IL1RAPL2: variants seen among roughly 807,000 people sequenced by gnomAD.
The protein encoded by IL1RAPL2 is interleukin 1 receptor accessory protein like 2, also known as X-linked interleukin-1 receptor accessory protein-like 2.
A neutral mutation model predicts 44.1 loss-of-function variants in IL1RAPL2; 3 were observed. That is an observed-to-expected ratio of 0.07 (90% CI 0.03 to 0.18). IL1RAPL2 has a LOEUF of 0.18. IL1RAPL2 is among the 10% of genes least tolerant of loss of function. The pLI is 1.00. For synonymous variants in IL1RAPL2, 181 were observed against 178.8 expected (o/e 1.01, Z -0.10); for missense variants, 391 against 496.4 (o/e 0.79, Z 2.02).
rs191616747 is a variant in IL1RAPL2 at position 105,183,595 on chromosome X, G to C, written c.83-11880G>C. On this transcript the variant is annotated intron_variant, in intron 2 of 10. Transcript: ENST00000372582. ...ATGGCCCTGCTGCTGGTGTGGGCAG[G>C]GTTTCTGTCAACAGCTTCAGATAGG... Among the ~76,000 whole-genome samples, 6 of 111,652 alleles carry C rather than the reference G, an allele frequency of 5.4e-5. No individual in the cohort carries two copies. In the Admixed American group the frequency reaches 5.7e-4, roughly 11 times the overall value.
chrX:105,594,140 C>T (rs763952515), intron 6 of IL1RAPL2, among the ~76,000 whole-genome samples: 6 of 111,261 alleles, frequency 5.4e-5, no homozygotes, highest in African/African-American at 1.3e-4. Flanking sequence ...ATATATTTAC[C>T]TCTTTGTTGT....
chrX:105,210,273 T>C (rs1177282729), intron 3 of IL1RAPL2, among the ~76,000 whole-genome samples: 1 of 111,869 alleles, frequency 8.9e-6, no homozygotes, highest in East Asian at 2.8e-4. Flanking sequence ...TTTGTATTTC[T>C]GTGAACATTT....
At chrX:105,162,663 G>A (rs2033336513) in intron 2 of IL1RAPL2, among the ~76,000 whole-genome samples, 2 of 112,152 alleles carry the variant, frequency 1.8e-5, no homozygotes, top group South Asian at 3.7e-4. Context: ...TTAGGAAAAC[G>A]TGGATACTGT....
intron 5 of IL1RAPL2, among the ~76,000 whole-genome samples, chrX:105,352,123 T>A (rs897990020): frequency 1.8e-5 from 2 of 110,104 alleles, no homozygotes; most frequent in Non-Finnish European, 3.8e-5. Flanking sequence ...AGAGACAGGG[T>A]TTTGCCATGT....
intron 6 of IL1RAPL2, among the ~76,000 whole-genome samples, chrX:105,590,183 T>A (rs1167023141): frequency 4.5e-5 from 5 of 111,855 alleles, no homozygotes; most frequent in Non-Finnish European, 9.4e-5. Context: ...CTTGGATGTT[T>A]TTGGTTTACA....
intron 2 of IL1RAPL2, among the ~76,000 whole-genome samples, chrX:105,168,189 T>C (rs2033387642): frequency 8.9e-6 from 1 of 112,053 alleles, no homozygotes; most frequent in African/African-American, 3.2e-5. Flanking sequence ...GCCAGCCACA[T>C]TGGTCTGCTA....
chrX:104,636,746 C>G (rs1281702990), intron 1 of IL1RAPL2, among the ~76,000 whole-genome samples: 3 of 112,368 alleles, frequency 2.7e-5, no homozygotes, highest in Admixed American at 9.4e-5. Flanking sequence ...TCTGTCACCC[C>G]TTTCTTTGAC....
intron 2 of IL1RAPL2, among the ~76,000 whole-genome samples, chrX:104,830,412 T>C (rs1921573750): frequency 8.9e-6 from 1 of 112,000 alleles, no homozygotes. Flanking sequence ...CTCCTGTCAC[T>C]ATCTTACTAG....
At chrX:105,283,178 A>G (rs1371471254) in intron 5 of IL1RAPL2, among the ~76,000 whole-genome samples, 2 of 111,954 alleles carry the variant, frequency 1.8e-5, no homozygotes, top group Non-Finnish European at 3.8e-5. Context: ...TAGATAAACT[A>G]AAAAAGGTAT....
chrX:104,998,554 G>T (rs148645327), intron 2 of IL1RAPL2, among the ~76,000 whole-genome samples: 1 of 110,805 alleles, frequency 9.0e-6, no homozygotes, highest in Non-Finnish European at 1.9e-5. Flanking sequence ...TGGGAGGGTC[G>T]CTTGTGCCCA....
chrX:104,744,330 A>C (rs1162857583), intron 2 of IL1RAPL2, among the ~76,000 whole-genome samples: 4 of 111,556 alleles, frequency 3.6e-5, no homozygotes, highest in Non-Finnish European at 7.5e-5. Flanking sequence ...TATTCTGGAT[A>C]GCAAAGAAAT....
chrX:104,696,788 G>C (rs1411165941), intron 2 of IL1RAPL2, among the ~76,000 whole-genome samples: 1 of 111,798 alleles, frequency 8.9e-6, no homozygotes, highest in Non-Finnish European at 1.9e-5. Flanking sequence ...TAGGCAAGCA[G>C]TACCAGAAGC....
intron 5 of IL1RAPL2, among the ~76,000 whole-genome samples, chrX:105,327,437 C>A (rs893994607): frequency 8.9e-6 from 1 of 111,943 alleles, no homozygotes; most frequent in Non-Finnish European, 1.9e-5. Context: ...TAATACTATG[C>A]AATATAGATT....
chrX:105,504,951 G>A (rs1265335681), intron 6 of IL1RAPL2, among the ~76,000 whole-genome samples: 1 of 111,022 alleles, frequency 9.0e-6, no homozygotes, highest in Non-Finnish European at 1.9e-5. Flanking sequence ...GAATAAATCA[G>A]TGTAATGTTA....
chrX:104,644,110 T>A (rs1421793203), intron 1 of IL1RAPL2, among the ~76,000 whole-genome samples: 1 of 111,871 alleles, frequency 8.9e-6, no homozygotes, highest in African/African-American at 3.2e-5. Flanking sequence ...ATTATTGTTA[T>A]ACTTTAAGTT....
At chrX:105,749,138 C>T (rs776055801) in intron 9 of IL1RAPL2, 35 bp downstream of exon 9, 5 of 1,171,697 alleles carry the variant, frequency 4.3e-6, no homozygotes, top group Non-Finnish European at 5.8e-6. Flanking sequence ...TTCCATTAAA[C>T]GGCATGCATT....
At chrX:104,823,619 A>G (rs1921369777) in intron 2 of IL1RAPL2, among the ~76,000 whole-genome samples, 1 of 108,710 alleles carries the variant, frequency 9.2e-6, no homozygotes, top group Non-Finnish European at 1.9e-5. Flanking sequence ...ATACCCAGTA[A>G]TGGGATGGCT....
chrX:105,253,965 G>A (rs1285374776), intron 4 of IL1RAPL2, among the ~76,000 whole-genome samples: 1 of 111,747 alleles, frequency 8.9e-6, no homozygotes, highest in African/African-American at 3.3e-5. Flanking sequence ...GGGCATTTAG[G>A]TTGATTCCGT....
intron 5 of IL1RAPL2, among the ~76,000 whole-genome samples, chrX:105,387,645 A>C (rs752087025): frequency 5.4e-5 from 6 of 111,877 alleles, no homozygotes; most frequent in Non-Finnish European, 1.1e-4. Context: ...GAAACATATA[A>C]AATTGTACTG....
Sources: allele counts gnomAD v4.1 joint callset (sites outside exome capture counted in the v4.1 genomes callset), GRCh38; gene constraint gnomAD v4.1.1; transcripts MANE v1.5; gene names NCBI Gene and HGNC (gene_info 2026-07-23, HGNC 2026-07-21).